The following GRIA2 variants were observed in gnomAD, a reference collection of about 807,000 sequenced individuals.
GRIA2 encodes the protein glutamate ionotropic receptor AMPA type subunit 2, also known as glutamate receptor 2.
In GRIA2, 14 loss-of-function variants were observed where a neutral mutation model predicts 97.3. The ratio of observed to expected loss-of-function variants is 0.14; its 90% CI spans 0.10 to 0.23. The LOEUF (loss-of-function observed/expected upper bound fraction) is 0.23. Among genes scored for constraint, GRIA2 ranks in the 10% least tolerant of loss-of-function variants. The pLI is 1.00. For missense variants in GRIA2, 558 were observed against 1,069.8 expected, an observed-to-expected ratio of 0.52 and a Z score of 6.67; for synonymous variants, 412 against 387.8, an observed-to-expected ratio of 1.06 and a Z score of -0.73.
chr4:157,348,633 T>C (rs937823927), intron 12 of GRIA2, among the ~76,000 whole-genome samples: 1 of 152,206 alleles, frequency 6.6e-6, no homozygotes, highest in African/African-American at 2.4e-5. Context: ...CATCGTGTCT[T>C]TAAAGGAACA....
chr4:157,330,369 T>C (rs62331554), intron 6 of GRIA2, among the ~76,000 whole-genome samples: 11,125 of 152,018 alleles, frequency 0.073, 545 homozygotes, highest in South Asian at 0.11. Context: ...TAATAGTACT[T>C]AAATTTTAGT....
chr4:157,353,627 G>C (rs549802327), intron 12 of GRIA2, among the ~76,000 whole-genome samples: 17 of 152,136 alleles, frequency 1.1e-4, no homozygotes, highest in African/African-American at 3.9e-4. Context: ...AGTGAGCCGA[G>C]ATAGGAGATA....
intron 2 of GRIA2, among the ~76,000 whole-genome samples, chr4:157,294,821 GC>G (rs1268402840): frequency 6.6e-6 from 1 of 152,054 alleles, no homozygotes; most frequent in African/African-American, 2.4e-5. Context: ...ATTCAGCCTG[GC>G]ACTCTTTATC....
chr4:157,341,818 C>T (rs1008738163), intron 12 of GRIA2, among the ~76,000 whole-genome samples: 2 of 152,112 alleles, frequency 1.3e-5, no homozygotes, highest in Non-Finnish European at 2.9e-5. Flanking sequence ...AATATGACTG[C>T]ATGTATCTTA....
At chr4:157,346,979 T>G (rs1463310444) in intron 12 of GRIA2, among the ~76,000 whole-genome samples, 1 of 152,188 alleles carries the variant, frequency 6.6e-6, no homozygotes, top group Non-Finnish European at 1.5e-5. Context: ...TACGAATACA[T>G]TTAGCCTAAG....
At chr4:157,241,029 G>T (rs1186010723) in intron 2 of GRIA2, among the ~76,000 whole-genome samples, 1 of 152,078 alleles carries the variant, frequency 6.6e-6, no homozygotes. Flanking sequence ...TCCCTACAAA[G>T]GACATGAACT....
chr4:157,345,320 T>A (rs1221934542), intron 12 of GRIA2, among the ~76,000 whole-genome samples: 1 of 151,916 alleles, frequency 6.6e-6, no homozygotes, highest in Non-Finnish European at 1.5e-5. Context: ...GGAAAATTAG[T>A]CTATGTCTTC....
chr4:157,260,040 C>T (rs564498822), intron 2 of GRIA2, among the ~76,000 whole-genome samples: 131 of 152,190 alleles, frequency 8.6e-4, no homozygotes, highest in African/African-American at 3.1e-3. Flanking sequence ...AGTTCATTGT[C>T]CTTTTTTCTT....
intron 12 of GRIA2, 38 bp downstream of exon 12, chr4:157,341,500 T>C: frequency 7.1e-7 from 1 of 1,408,156 alleles, no homozygotes; most frequent in Middle Eastern, 1.8e-4. Context: ...ATTTTGTTCC[T>C]GAAATTTAAC....
At chr4:157,335,604 T>C (rs138745661) in intron 9 of GRIA2, 67 bp from the exon 10 acceptor site, 10 of 934,020 alleles carry the variant, frequency 1.1e-5, no homozygotes, top group African/African-American at 1.6e-5. Flanking sequence ...CCAGAAGATT[T>C]GATTCAATGA....
intron 2 of GRIA2, among the ~76,000 whole-genome samples, chr4:157,237,302 T>C (rs1730296765): frequency 6.6e-6 from 1 of 151,896 alleles, no homozygotes; most frequent in Non-Finnish European, 1.5e-5. Context: ...TTTTTTTTTT[T>C]TTTTAATTTT....
At chr4:157,234,278 T>C (rs887410025) in intron 2 of GRIA2, among the ~76,000 whole-genome samples, 4 of 152,120 alleles carry the variant, frequency 2.6e-5, no homozygotes, top group African/African-American at 7.2e-5. Context: ...TCCGTGCTTA[T>C]AGGTGCATGG....
At chr4:157,347,625 A>G (rs1161164915) in intron 12 of GRIA2, among the ~76,000 whole-genome samples, 2 of 152,192 alleles carry the variant, frequency 1.3e-5, no homozygotes, top group Non-Finnish European at 2.9e-5. Flanking sequence ...TTAGTTTTCA[A>G]TTCACTTTAT....
intron 2 of GRIA2, among the ~76,000 whole-genome samples, chr4:157,248,700 CAA>C (rs1281835054): frequency 1.5e-5 from 2 of 132,116 alleles, no homozygotes; most frequent in Non-Finnish European, 3.2e-5. Context: ...TATATATACA[CAA>C]GTATATATAT....
chr4:157,362,565 GT>G (rs1210724964), intron 14 of GRIA2: 1 of 604,096 alleles, frequency 1.7e-6, no homozygotes, highest in African/African-American at 1.8e-5. Context: ...ATAAATAGAA[GT>G]TTATTCCCTG....
At position 157,317,643 on chromosome 4, in the gene GRIA2, A is replaced by AT; in HGVS notation, c.667-12dup. On this transcript the variant is annotated splice_polypyrimidine_tract_variant and intron_variant, in intron 4 of 15. Coordinates refer to ENST00000264426, the MANE Select transcript of GRIA2 (RefSeq NM_001083619.3). ...ATTTGTATTAATTAAATAATTACTTATTTGTGCTTATTAGGTTATTACCAT... is the reference window on the plus strand; with the variant it reads ...ATTTGTATTAATTAAATAATTACTTATTTTGTGCTTATTAGGTTATTACCAT... 1.1e-6 allele frequency: 1 copy of AT among 944,884 alleles called. No individual in the cohort carries two copies. The highest frequency in any genetic ancestry group is 1.7e-6 in the Non-Finnish European group (1 of 592,446). The allele number at this position is 944,884 out of a possible 1,614,324, so 58.5% of individuals were successfully genotyped here. A position where few individuals can be genotyped will look rare whatever the true frequency, so the allele number is the denominator to read the frequency against.
At chr4:157,356,291 G>C (rs1027861242) in intron 12 of GRIA2, among the ~76,000 whole-genome samples, 1 of 149,818 alleles carries the variant, frequency 6.7e-6, no homozygotes, top group African/African-American at 2.5e-5. Context: ...AGGTGCAGTT[G>C]TTCCTGAGAA....
At chr4:157,237,902 C>G (rs932451282) in intron 2 of GRIA2, among the ~76,000 whole-genome samples, 4 of 152,138 alleles carry the variant, frequency 2.6e-5, no homozygotes, top group Non-Finnish European at 5.9e-5. Context: ...TATTTCTTAA[C>G]CTATATCAAG....
chr4:157,312,881 C>T lies in GRIA2; in HGVS notation c.666+6C>T, dbSNP rs1187372823. On this transcript the variant is annotated splice_donor_region_variant and intron_variant, in intron 4 of 15. Transcript: ENST00000264426. ...TAAACGACATTGTAGACCAGGTTTG[C>T]TACTTTCTGTTTTCTAATGATGCCA... The T allele has an allele frequency of 4.6e-6, 7 of 1,530,474 alleles. No individual in the cohort carries two copies. In the Admixed American group the frequency reaches 7.7e-5, roughly 17 times the overall value. 94.8% of individuals were successfully genotyped at this position (1,530,474 alleles called of 1,614,324 possible).
Sources: gnomAD v4.1 joint callset for allele counts (sites outside exome capture counted in the v4.1 genomes callset) on GRCh38, gnomAD v4.1.1 for gene constraint, MANE v1.5 for transcripts, NCBI Gene and HGNC (gene_info 2026-07-23, HGNC 2026-07-21) for gene names.